ULK4: variants seen among roughly 807,000 people sequenced by gnomAD.
The protein encoded by ULK4 is unc-51 like kinase 4, also known as inactive serine/threonine-protein kinase ULK4.
A neutral mutation model predicts 160.6 loss-of-function variants in ULK4; 133 were observed. The ratio of observed to expected loss-of-function variants is 0.83; its 90% CI spans 0.72 to 0.96. The LOEUF (loss-of-function observed/expected upper bound fraction) is 0.96. Ranked by LOEUF, ULK4 falls within the 40% of genes least tolerant of loss-of-function variation. The probability of loss-of-function intolerance (pLI) is 0.00; values close to 1 mark genes in which losing one functional copy is unlikely to be tolerated. For synonymous variants in ULK4, 534 were observed against 539.8 expected (o/e 0.99, Z 0.15); for missense variants, 1,580 against 1,499.5 (o/e 1.05, Z -0.89).
intron 30 of ULK4, among the ~76,000 whole-genome samples, chr3:41,655,145 C>CAAA: frequency 1.4e-5 from 2 of 139,806 alleles, no homozygotes; most frequent in East Asian, 2.1e-4. Context: ...GCCATCTCTA[C>CAAA]AAAAAAAAAA....
intron 17 of ULK4, among the ~76,000 whole-genome samples, chr3:41,842,427 C>T (rs953616327): frequency 2.0e-5 from 3 of 152,172 alleles, no homozygotes; most frequent in African/African-American, 7.2e-5. Context: ...CCCTCCAAAT[C>T]TCATGTTGAA....
At chr3:41,713,522 G>A (rs1402356675) in intron 25 of ULK4, among the ~76,000 whole-genome samples, 1 of 152,140 alleles carries the variant, frequency 6.6e-6, no homozygotes, top group African/African-American at 2.4e-5. Context: ...CTGGGACTGG[G>A]CATGATTCAA....
chr3:41,665,741 G>A (rs532811795), intron 29 of ULK4, among the ~76,000 whole-genome samples: 92 of 152,010 alleles, frequency 6.1e-4, no homozygotes, highest in African/African-American at 2.0e-3. Flanking sequence ...AAAATCTAAC[G>A]TCTACTTAAA....
intron 30 of ULK4, among the ~76,000 whole-genome samples, chr3:41,639,033 C>T (rs1025609919): frequency 6.6e-6 from 1 of 152,156 alleles, no homozygotes; most frequent in Admixed American, 6.5e-5. Context: ...GATGCCAAAA[C>T]AGGTCATATA....
At chr3:41,276,852 T>C (rs1559500369) in intron 35 of ULK4, among the ~76,000 whole-genome samples, 1 of 152,136 alleles carries the variant, frequency 6.6e-6, no homozygotes, top group Non-Finnish European at 1.5e-5. Context: ...CACAGTAGCA[T>C]ACAAATTAAA....
intron 30 of ULK4, among the ~76,000 whole-genome samples, chr3:41,651,462 T>C (rs867997780): frequency 1.3e-5 from 2 of 152,188 alleles, no homozygotes; most frequent in African/African-American, 4.8e-5. Flanking sequence ...TATTGTCTAG[T>C]ATATACCTCC....
chr3:41,900,687 A>T (rs775689071), intron 13 of ULK4, 38 bp downstream of exon 13: 1 of 1,480,832 alleles, frequency 6.8e-7, no homozygotes, highest in South Asian at 1.2e-5. Flanking sequence ...AGATCTCAGT[A>T]AAGTCTACAA....
At chr3:41,248,047 C>T (rs1329069133) in intron 36 of ULK4, among the ~76,000 whole-genome samples, 1 of 152,196 alleles carries the variant, frequency 6.6e-6, no homozygotes, top group African/African-American at 2.4e-5. Flanking sequence ...ACCACTGAAC[C>T]TTGTTTTGAC....
At chr3:41,725,296 C>A (rs528580929) in intron 22 of ULK4, among the ~76,000 whole-genome samples, 1 of 152,146 alleles carries the variant, frequency 6.6e-6, no homozygotes, top group Non-Finnish European at 1.5e-5. Context: ...TACAGTACAG[C>A]TTAGGAGTAA....
intron 27 of ULK4, among the ~76,000 whole-genome samples, chr3:41,694,051 T>C (rs967581708): frequency 3.3e-5 from 5 of 152,220 alleles, no homozygotes; most frequent in African/African-American, 1.2e-4. Flanking sequence ...TGGTTTGTTT[T>C]GATACTGGTT....
At chr3:41,665,455 C>G (rs569382893) in intron 29 of ULK4, among the ~76,000 whole-genome samples, 1 of 152,046 alleles carries the variant, frequency 6.6e-6, no homozygotes, top group Non-Finnish European at 1.5e-5. Flanking sequence ...CCACTACACA[C>G]CATAATGTTC....
chr3:41,821,463 G>C (rs552260336), intron 18 of ULK4, among the ~76,000 whole-genome samples: 5 of 152,146 alleles, frequency 3.3e-5, no homozygotes, highest in Admixed American at 3.3e-4. Context: ...TTCTGAGAAA[G>C]GAAAGACAAA....
chr3:41,869,258 T>C (rs1340640518), intron 17 of ULK4, among the ~76,000 whole-genome samples: 2 of 152,108 alleles, frequency 1.3e-5, no homozygotes, highest in African/African-American at 2.4e-5. Context: ...TAAGAACATA[T>C]ACAATATTAG....
At chr3:41,490,235 C>G (rs754285644) in intron 32 of ULK4, among the ~76,000 whole-genome samples, 1 of 152,198 alleles carries the variant, frequency 6.6e-6, no homozygotes, top group Non-Finnish European at 1.5e-5. Context: ...TGCTTAACAT[C>G]ATTGACATAA....
At chr3:41,284,831 T>A (rs923383747) in intron 35 of ULK4, among the ~76,000 whole-genome samples, 9 of 151,982 alleles carry the variant, frequency 5.9e-5, no homozygotes, top group Admixed American at 2.6e-4. Flanking sequence ...GAGAAAATCT[T>A]CAAAATCTAT....
Position 41,354,671 on chromosome 3 carries a change from G to A in ULK4, c.3678+43408C>T, listed in dbSNP as rs79850532. ...GCTTGACAGAAGCCAGGTTACAAAA[G>A]TGTCCTGGAAGATCAGGAAATGAGG... is the stretch of plus-strand genomic sequence containing the variant. On this transcript the variant is annotated intron_variant, in intron 35 of 36. Transcript: ENST00000301831. Among the ~76,000 whole-genome samples the A allele has an allele frequency of 2.5e-3, 377 of 152,286 alleles. 1 individual carries two copies. Among genetic ancestry groups the A allele is most frequent in the East Asian group, 0.015 (80 of 5,168 alleles).
At position 41,437,874 on chromosome 3, in the gene ULK4, A is replaced by C. The variant is rs79386952; in HGVS notation, c.3492+17623T>G. 3.4e-3 allele frequency among the ~76,000 whole-genome samples: 523 copies of C among 152,266 alleles called. 5 individuals are homozygous for C. Among genetic ancestry groups the C allele is most frequent in the African/African-American group, 0.012 (506 of 41,546 alleles). On this transcript the variant is annotated intron_variant, in intron 34 of 36. Coordinates refer to ENST00000301831, the MANE Select transcript of ULK4 (RefSeq NM_017886.4). ...AGAGATTCTGTTTACAAGTCCTTTT[A>C]GTCCTTTTAGAGCACCTGAAAATTA...
intron 35 of ULK4, among the ~76,000 whole-genome samples, chr3:41,293,780 A>C: frequency 6.6e-6 from 1 of 152,226 alleles, no homozygotes; most frequent in East Asian, 1.9e-4. Context: ...CTTGTTATCT[A>C]TTCTTAGCTA....
chr3:41,492,869 A>T (rs930707270), intron 32 of ULK4, among the ~76,000 whole-genome samples: 6 of 142,114 alleles, frequency 4.2e-5, no homozygotes, highest in Non-Finnish European at 9.2e-5. Flanking sequence ...ATTCAACAAG[A>T]AGAGCTAACT....
Sources: allele counts gnomAD v4.1 joint callset (sites outside exome capture counted in the v4.1 genomes callset), GRCh38; gene constraint gnomAD v4.1.1; transcripts MANE v1.5; gene names NCBI Gene and HGNC (gene_info 2026-07-23, HGNC 2026-07-21).